The following NAALADL2 variants were observed in gnomAD, a reference collection of about 807,000 sequenced individuals.
NAALADL2 encodes the protein inactive N-acetylated-alpha-linked acidic dipeptidase-like protein 2.
Under a neutral mutation model 87.2 loss-of-function variants are expected in NAALADL2, and 76 were observed. The observed-to-expected ratio is 0.87, with a 90% CI of 0.72 to 1.05. The LOEUF (loss-of-function observed/expected upper bound fraction) is 1.05, where lower values mean the gene tolerates loss of function less well. Ranked by LOEUF, NAALADL2 falls within the 50% of genes least tolerant of loss-of-function variation. The pLI is 0.00. For synonymous variants in NAALADL2, 354 were observed against 331.0 expected (o/e 1.07, Z -0.75); for missense variants, 1,089 against 945.8 (o/e 1.15, Z -1.99).
intron 10 of NAALADL2, among the ~76,000 whole-genome samples, chr3:175,607,565 T>C (rs189629387): frequency 1.7e-3 from 263 of 152,266 alleles, no homozygotes; most frequent in Middle Eastern, 3.4e-3. Flanking sequence ...GGTCAATATA[T>C]GACTTACTAG....
intron 9 of NAALADL2, among the ~76,000 whole-genome samples, chr3:175,519,808 A>T (rs1301315841): frequency 6.6e-6 from 1 of 152,236 alleles, no homozygotes; most frequent in Non-Finnish European, 1.5e-5. Context: ...GCTTCTGGTT[A>T]CTGTCAGTAC....
chr3:175,638,124 G>GTTAT (rs1306886623), intron 11 of NAALADL2, among the ~76,000 whole-genome samples: 1 of 152,172 alleles, frequency 6.6e-6, no homozygotes, highest in African/African-American at 2.4e-5. Flanking sequence ...CAATTAGTGT[G>GTTAT]TTATTACCTC....
At chr3:175,179,011 ATTC>A (rs1012274198) in intron 2 of NAALADL2, among the ~76,000 whole-genome samples, 5 of 152,006 alleles carry the variant, frequency 3.3e-5, no homozygotes, top group African/African-American at 1.2e-4. Context: ...TTACCAAACT[ATTC>A]TTCTGCCTAG....
intron 5 of NAALADL2, among the ~76,000 whole-genome samples, chr3:175,362,980 CT>C (rs1321387844): frequency 1.4e-5 from 2 of 147,714 alleles, no homozygotes; most frequent in East Asian, 2.0e-4. Context: ...GAGTATTTGA[CT>C]ACCTGTATTG....
chr3:175,543,828 A>G (rs1270194401), intron 9 of NAALADL2, among the ~76,000 whole-genome samples: 3 of 152,194 alleles, frequency 2.0e-5, no homozygotes. Context: ...AGGTTATTGC[A>G]ATAGAGAGAA....
chr3:174,516,664 GTA>G (rs1170007333), intron 1 of NAALADL2, among the ~76,000 whole-genome samples: 1 of 151,938 alleles, frequency 6.6e-6, no homozygotes, highest in African/African-American at 2.4e-5. Context: ...AAATTGATCT[GTA>G]TACTCTTGTC....
intron 5 of NAALADL2, among the ~76,000 whole-genome samples, chr3:175,385,206 G>C (rs1315482901): frequency 1.3e-5 from 2 of 151,896 alleles, no homozygotes; most frequent in Admixed American, 6.6e-5. Context: ...AAAGCATAAG[G>C]ACAAGAAAAT....
intron 1 of NAALADL2, among the ~76,000 whole-genome samples, chr3:174,987,210 T>TA (rs1745993164): frequency 6.6e-6 from 1 of 152,136 alleles, no homozygotes; most frequent in African/African-American, 2.4e-5. Context: ...ACATGCTTAA[T>TA]AAAAAACGAG....
intron 1 of NAALADL2, among the ~76,000 whole-genome samples, chr3:174,547,356 A>G (rs531843398): frequency 1.4e-3 from 215 of 152,282 alleles, no homozygotes; most frequent in Non-Finnish European, 2.5e-3. Context: ...TTAAAATAAT[A>G]TAAGGTATTG....
At chr3:174,964,169 G>A (rs1410676408) in intron 1 of NAALADL2, among the ~76,000 whole-genome samples, 1 of 151,976 alleles carries the variant, frequency 6.6e-6, no homozygotes, top group African/African-American at 2.4e-5. Context: ...AATTTCTAAT[G>A]TACTTATTTG....
chr3:174,474,097 A>T (rs1168879171), intron 1 of NAALADL2, among the ~76,000 whole-genome samples: 1 of 152,168 alleles, frequency 6.6e-6, no homozygotes, highest in African/African-American at 2.4e-5. Context: ...ATGGTATTAC[A>T]ATTCAAGATA....
At chr3:174,531,438 C>T (rs772062679) in intron 1 of NAALADL2, among the ~76,000 whole-genome samples, 19 of 152,050 alleles carry the variant, frequency 1.2e-4, no homozygotes, top group African/African-American at 2.7e-4. Flanking sequence ...ATAAAATCCA[C>T]GTAAAGGCCA....
intron 1 of NAALADL2, among the ~76,000 whole-genome samples, chr3:175,007,642 A>C (rs1383011910): frequency 6.6e-6 from 1 of 152,184 alleles, no homozygotes; most frequent in African/African-American, 2.4e-5. Flanking sequence ...TGTCCTGCTT[A>C]TCCTTGGGGG....
At chr3:174,921,411 C>T (rs1307165542) in intron 1 of NAALADL2, among the ~76,000 whole-genome samples, 1 of 151,996 alleles carries the variant, frequency 6.6e-6, no homozygotes, top group Admixed American at 6.6e-5. Flanking sequence ...GCAAATTCTA[C>T]TTCTAAAAGC....
intron 3 of NAALADL2, among the ~76,000 whole-genome samples, chr3:174,837,107 C>G (rs898787818): frequency 6.6e-6 from 1 of 151,754 alleles, no homozygotes; most frequent in Non-Finnish European, 1.5e-5. Context: ...AAGAACAAAC[C>G]AAACCCACAC....
At chr3:174,863,103 G>A (rs919845352) in intron 1 of NAALADL2, among the ~76,000 whole-genome samples, 2 of 152,052 alleles carry the variant, frequency 1.3e-5, no homozygotes, top group Non-Finnish European at 2.9e-5. Flanking sequence ...ATAGTCTCAA[G>A]TCCAATGTTT....
chr3:174,526,883 G>A (rs1257684309), intron 1 of NAALADL2, among the ~76,000 whole-genome samples: 1 of 151,876 alleles, frequency 6.6e-6, no homozygotes, highest in Non-Finnish European at 1.5e-5. Context: ...TACTATGTTG[G>A]CCAGGCTGGT....
In NAALADL2 at chr3:174,777,768, G is replaced by A. The variant is rs540032881; in HGVS notation, c.-9+40022G>A. Among the ~76,000 whole-genome samples, 11 of 152,170 alleles carry A rather than the reference G, an allele frequency of 7.2e-5. 1 individual carries two copies. The South Asian group carries it at 2.3e-3, about 32-fold the overall frequency. On this transcript the variant is annotated intron_variant, in intron 3 of 3. Transcript: ENST00000434257. ...CTGAACTGGCTCTGTTCAACAAGGA[G>A]CTTAGTTCATCTACTGTTTCTACTG...
At chr3:175,568,195 T>G (rs1181322732) in intron 9 of NAALADL2, among the ~76,000 whole-genome samples, 1 of 152,054 alleles carries the variant, frequency 6.6e-6, no homozygotes, top group Admixed American at 6.5e-5. Context: ...ACTTCTAGTA[T>G]AAAATAGTAG....
Sources: allele counts gnomAD v4.1 joint callset (sites outside exome capture counted in the v4.1 genomes callset), GRCh38; gene constraint gnomAD v4.1.1; transcripts MANE v1.5; gene names NCBI Gene and HGNC (gene_info 2026-07-23, HGNC 2026-07-21).